Variants in EPHA7 observed in about 807,000 individuals in gnomAD.
EPHA7 encodes the protein EPH receptor A7, also known as ephrin type-A receptor 7.
Under a neutral mutation model 112.6 loss-of-function variants are expected in EPHA7, and 25 were observed. The ratio of observed to expected loss-of-function variants is 0.22; its 90% CI spans 0.16 to 0.31. The LOEUF (loss-of-function observed/expected upper bound fraction) is 0.31. Ranked by LOEUF, EPHA7 falls within the 10% of genes least tolerant of loss-of-function variation. The pLI, the probability that EPHA7 is intolerant of heterozygous loss-of-function variation, is 1.00. For synonymous variants in EPHA7, 437 were observed against 406.5 expected, an observed-to-expected ratio of 1.07 and a Z score of -0.90; for missense variants, 962 against 1,212.6, an observed-to-expected ratio of 0.79 and a Z score of 3.07.
intron 5 of EPHA7, among the ~76,000 whole-genome samples, chr6:93,280,341 T>C (rs1227896802): frequency 6.6e-6 from 1 of 152,182 alleles, no homozygotes; most frequent in Non-Finnish European, 1.5e-5. Flanking sequence ...ATATCTATAA[T>C]CTGCAAGTGA....
intron 3 of EPHA7, among the ~76,000 whole-genome samples, chr6:93,405,807 GTGTGTGTATATATATATATA>G (rs1454043818): frequency 6.0e-4 from 42 of 70,510 alleles, no homozygotes; most frequent in African/African-American, 2.0e-3. Context: ...GTGTGTGTGT[GTGTGTGTATATATATATATA>G]TATATATATA....
chr6:93,341,479 A>T (rs1775134052), intron 5 of EPHA7, among the ~76,000 whole-genome samples: 1 of 151,890 alleles, frequency 6.6e-6, no homozygotes, highest in South Asian at 2.1e-4. Flanking sequence ...GAAATTATGA[A>T]AATCAAAAGA....
intron 3 of EPHA7, among the ~76,000 whole-genome samples, chr6:93,405,807 G>GCA: frequency 1.4e-5 from 1 of 70,512 alleles, no homozygotes; most frequent in East Asian, 6.1e-4. Flanking sequence ...GTGTGTGTGT[G>GCA]TGTGTGTATA....
chr6:93,395,537 A>G (rs1361701768), intron 3 of EPHA7, among the ~76,000 whole-genome samples: 3 of 151,374 alleles, frequency 2.0e-5, no homozygotes, highest in Admixed American at 6.6e-5. Flanking sequence ...AAAGTCAACT[A>G]AAAATATAAA....
At chr6:93,255,158 A>G (rs908926206) in intron 13 of EPHA7, among the ~76,000 whole-genome samples, 1 of 150,638 alleles carries the variant, frequency 6.6e-6, no homozygotes, top group African/African-American at 2.4e-5. Context: ...AGCCTGGCAA[A>G]CATGGTGTAA....
At position 93,327,415 on chromosome 6, in the gene EPHA7, T is replaced by G. The variant is rs1052551811; in HGVS notation, c.1324+29302A>C. Among the ~76,000 whole-genome samples the G allele has an allele frequency of 2.0e-5, 3 of 151,506 alleles. No individual in the cohort carries two copies. In the East Asian group the frequency reaches 5.8e-4, roughly 29 times the overall value. Reference sequence around the variant, plus strand: ...CTCACTTCCTTTTATCTCATTTAGTTCATGACTTTAAATTCCATGTCGATG... The same window carrying G: ...CTCACTTCCTTTTATCTCATTTAGTGCATGACTTTAAATTCCATGTCGATG... On this transcript the variant is annotated intron_variant, in intron 5 of 16. Coordinates refer to ENST00000369303, the MANE Select transcript of EPHA7 (RefSeq NM_004440.4).
chr6:93,281,808 C>G (rs1187233597), intron 5 of EPHA7, among the ~76,000 whole-genome samples: 1 of 151,998 alleles, frequency 6.6e-6, no homozygotes, highest in Non-Finnish European at 1.5e-5. Context: ...ATTTCCATAG[C>G]TATATTTAAA....
chr6:93,278,644 T>C (rs564812866), intron 5 of EPHA7, among the ~76,000 whole-genome samples: 2 of 152,132 alleles, frequency 1.3e-5, no homozygotes, highest in Non-Finnish European at 2.9e-5. Context: ...CAACATTAGA[T>C]AGATAGACAG....
intron 5 of EPHA7, among the ~76,000 whole-genome samples, chr6:93,308,341 G>C (rs1179334440): frequency 6.6e-6 from 1 of 151,864 alleles, no homozygotes; most frequent in Non-Finnish European, 1.5e-5. Context: ...TTATACCAAA[G>C]GAAAATATAT....
chr6:93,325,356 T>C (rs1774267417), intron 5 of EPHA7, among the ~76,000 whole-genome samples: 1 of 151,284 alleles, frequency 6.6e-6, no homozygotes, highest in African/African-American at 2.4e-5. Flanking sequence ...AAAAGATATA[T>C]GCCTCTTTAT....
At chr6:93,306,959 A>G (rs1352874153) in intron 5 of EPHA7, among the ~76,000 whole-genome samples, 1 of 151,946 alleles carries the variant, frequency 6.6e-6, no homozygotes, top group Non-Finnish European at 1.5e-5. Flanking sequence ...TTAACAGAAA[A>G]TATCATAGGG....
chr6:93,353,215 T>C (rs1347183538), intron 5 of EPHA7, among the ~76,000 whole-genome samples: 1 of 152,142 alleles, frequency 6.6e-6, no homozygotes, highest in Non-Finnish European at 1.5e-5. Flanking sequence ...ATCTCCGTTG[T>C]ACGTAACTTG....
rs144096167 is a variant in EPHA7 at position 93,335,729 on chromosome 6, T to C, written c.1324+20988A>G. ...AATACAGACATGGAAACTACACTCT[T>C]TGAATCCTTATTAGCTTCTTATTGT... is the stretch of plus-strand genomic sequence containing the variant. On this transcript the variant is annotated intron_variant, in intron 5 of 16. Coordinates refer to ENST00000369303, the MANE Select transcript of EPHA7 (RefSeq NM_004440.4). 2.1e-3 allele frequency among the ~76,000 whole-genome samples: 314 copies of C among 152,212 alleles called. 1 individual carries two copies. The highest frequency in any genetic ancestry group is 7.2e-3 in the African/African-American group (299 of 41,560).
Position 93,255,853 on chromosome 6 carries a change from T to A in EPHA7, c.2357A>T (p.Asp786Val). 1 of 1,614,086 alleles carries A rather than the reference T, an allele frequency of 6.2e-7. No homozygotes were observed. Among genetic ancestry groups the A allele is most frequent in the Non-Finnish European group, 8.5e-7 (1 of 1,179,968 alleles). The change falls in exon 13 of 17, where the codon GAT (aspartate) becomes GTT (valine). Residue 786 changes from aspartate to valine, a missense_variant. By Grantham distance (152) the Asp-to-Val change is radical. Around this residue, in one of 3 missense-constraint regions of EPHA7, gnomAD observed 746 missense variants for 889.2 expected, o/e 0.84. Transcript: ENST00000369303. ...AGTAGTTGTATAGACAGCTTCTGGA[T>A]CATCCTCTATAACTCGGGACAGGCC... ...DFGLSRVIED[D>V]PEAVYTTTGG...
At chr6:93,254,913 C>T (rs998158046) in intron 13 of EPHA7, 117 bp from the exon 14 acceptor site, 2 of 718,254 alleles carry the variant, frequency 2.8e-6, no homozygotes, top group South Asian at 2.4e-5. Flanking sequence ...ATCAGGTCTA[C>T]CCATCTTGAA....
chr6:93,347,757 T>C (rs1486542651), intron 5 of EPHA7, among the ~76,000 whole-genome samples: 2 of 151,816 alleles, frequency 1.3e-5, no homozygotes, highest in Admixed American at 6.6e-5. Context: ...TGTGCTCACA[T>C]GGCCTTTCTC....
chr6:93,418,360 C>T (rs1475211980), intron 1 of EPHA7, among the ~76,000 whole-genome samples: 1 of 152,246 alleles, frequency 6.6e-6, no homozygotes, highest in African/African-American at 2.4e-5. Flanking sequence ...AACCTGCCTT[C>T]TCCTACCAGA....
chr6:93,258,328 T>C (rs1770534911), intron 10 of EPHA7, 44 bp from the exon 11 acceptor site: 1 of 1,485,604 alleles, frequency 6.7e-7, no homozygotes, highest in Non-Finnish European at 9.0e-7. Context: ...TTCTAAATAT[T>C]GTAATTTTCT....
At chr6:93,395,349 A>G (rs991989380) in intron 3 of EPHA7, among the ~76,000 whole-genome samples, 1 of 151,846 alleles carries the variant, frequency 6.6e-6, no homozygotes, top group African/African-American at 2.4e-5. Context: ...TACAGCTTTT[A>G]TTAGTAGAAA....
Sources: allele counts gnomAD v4.1 joint callset (sites outside exome capture counted in the v4.1 genomes callset), GRCh38; gene constraint gnomAD v4.1.1; regional missense constraint gnomAD v4.1.1; transcripts MANE v1.5; gene names NCBI Gene and HGNC (gene_info 2026-07-23, HGNC 2026-07-21).